Variants in KLHL41 observed in about 807,000 individuals in gnomAD.
KLHL41 encodes the protein kelch like family member 41.
In KLHL41, 31 loss-of-function variants were observed where a neutral mutation model predicts 49.2. That is an observed-to-expected ratio of 0.63 (90% CI 0.47 to 0.85). The LOEUF (loss-of-function observed/expected upper bound fraction) is 0.85. KLHL41 is among the 40% of genes least tolerant of loss of function. The pLI is 0.00. For missense variants in KLHL41, 663 were observed against 726.7 expected, an observed-to-expected ratio of 0.91 and a Z score of 1.01; for synonymous variants, 218 against 258.5, an observed-to-expected ratio of 0.84 and a Z score of 1.50.
At chr2:169,522,689 T>C (rs1684220105) in intron 5 of KLHL41, among the ~76,000 whole-genome samples, 1 of 145,642 alleles carries the variant, frequency 6.9e-6, no homozygotes. Flanking sequence ...CCCTAGTTCC[T>C]AAAACCTTCC....
Position 169,510,781 on chromosome 2 carries a change from A to T in KLHL41, c.1003A>T (p.Arg335Ter). Residue 335 changes from arginine (R) to a stop codon, truncating the protein, a stop_gained, in exon 1 of 6, where the codon AGA (arginine) becomes TGA (stop). Coordinates refer to ENST00000284669, the MANE Select transcript of KLHL41 (RefSeq NM_006063.3). LOFTEE classifies it high-confidence loss of function. This position sits in a 1 kb window ranked among gnomAD's most constrained non-coding sequence, Gnocchi z 4.2. ...YLTALAEQIP[R>*]NHSSIVTQQN... is the part of the protein sequence containing the mutation. Reference sequence around the variant, plus strand: ...TACTGCACTGGCTGAGCAGATTCCCAGAAATCATTCCAGCATTGTTACCCA... The same window carrying T: ...TACTGCACTGGCTGAGCAGATTCCCTGAAATCATTCCAGCATTGTTACCCA... 6.2e-7 allele frequency: 1 copy of T among 1,614,210 alleles called. No individual in the cohort carries two copies. Among genetic ancestry groups the T allele is most frequent in the South Asian group, 1.1e-5 (1 of 91,086 alleles).
At chr2:169,514,497 T>C (rs1684079501) in intron 1 of KLHL41, 77 bp from the exon 2 acceptor site, 3 of 1,233,778 alleles carry the variant, frequency 2.4e-6, no homozygotes, top group African/African-American at 1.5e-5. Flanking sequence ...AAACAACATA[T>C]AAAGTATAAC....
rs1386282535 is a variant in KLHL41, at chr2:169,525,129, T to A, written c.1710-456T>A. Among the ~76,000 whole-genome samples the A allele has an allele frequency of 6.6e-5, 10 of 152,296 alleles. No homozygotes were observed. In the East Asian group the frequency reaches 1.7e-3, roughly 26 times the overall value. ...GGAAGGGGAACAAATTTTCATAAAG[T>A]GACAGCTGTGTATCAGGTGCCATGC... On this transcript the variant is annotated intron_variant, in intron 5 of 5. Coordinates refer to ENST00000284669, the MANE Select transcript of KLHL41 (RefSeq NM_006063.3).
intron 5 of KLHL41, among the ~76,000 whole-genome samples, chr2:169,522,391 G>A (rs962370393): frequency 6.6e-6 from 1 of 152,030 alleles, no homozygotes; most frequent in African/African-American, 2.4e-5. Flanking sequence ...CCAAAAAAGA[G>A]GGAGAAAGAG....
rs1164852706 is a variant in KLHL41 at position 169,514,452 on chromosome 2, T to C, written c.1111-122T>C. 4 of 678,456 alleles carry C rather than the reference T, an allele frequency of 5.9e-6. No homozygotes were observed. In the African/African-American group the frequency reaches 7.3e-5, roughly 12 times the overall value. The allele number at this position is 678,456 out of a possible 1,614,324, so 42.0% of individuals were successfully genotyped here. A position where few individuals can be genotyped will look rare whatever the true frequency, so the allele number is the denominator to read the frequency against. On this transcript the variant is annotated intron_variant, in intron 1 of 5. Coordinates refer to ENST00000284669, the MANE Select transcript of KLHL41 (RefSeq NM_006063.3). ...GATACTTTGGGGTTGTAGTTTTATT[T>C]ACTTGTGAGATATTTGACTATCTCG... is the stretch of plus-strand genomic sequence containing the variant.
At chr2:169,520,283 T>A (rs1264960149) in intron 4 of KLHL41, among the ~76,000 whole-genome samples, 1 of 103,622 alleles carries the variant, frequency 9.7e-6, no homozygotes, top group East Asian at 3.8e-4. Flanking sequence ...TCAGTGTGTG[T>A]GTGTGTGTGT....
intron 1 of KLHL41, among the ~76,000 whole-genome samples, chr2:169,513,376 G>A (rs1559130174): frequency 6.6e-6 from 1 of 152,120 alleles, no homozygotes; most frequent in Admixed American, 6.6e-5. Context: ...TATGACAACA[G>A]TCAAAACCCC....
chr2:169,516,445 A>G (rs1684115013), intron 3 of KLHL41, among the ~76,000 whole-genome samples: 4 of 152,176 alleles, frequency 2.6e-5, no homozygotes, highest in Non-Finnish European at 5.9e-5. Flanking sequence ...AAGGTATATT[A>G]TATGCTTACC....
At chr2:169,523,425 G>A (rs976515948) in intron 5 of KLHL41, among the ~76,000 whole-genome samples, 4 of 152,186 alleles carry the variant, frequency 2.6e-5, no homozygotes, top group African/African-American at 9.7e-5. Context: ...GTTTCTATAT[G>A]TGTAGACAAG....
In KLHL41 at chr2:169,510,769, G is replaced by A. The variant is rs1163743538; in HGVS notation, c.991G>A (p.Glu331Lys). Residue 331 changes from glutamate to lysine, a missense_variant, in exon 1 of 6, where the codon GAG becomes AAG. Around this residue, in one of 3 missense-constraint regions of KLHL41, gnomAD observed 528 missense variants for 581.0 expected, o/e 0.91. Coordinates refer to ENST00000284669, the MANE Select transcript of KLHL41 (RefSeq NM_006063.3). This position sits in a 1 kb window ranked among gnomAD's most constrained non-coding sequence, Gnocchi z 4.2. ...ENECYLTALA[E>K]QIPRNHSSIV... The stretch of plus-strand genomic sequence containing the variant: ...TGAATGCTACCTTACTGCACTGGCT[G>A]AGCAGATTCCCAGAAATCATTCCAG... 1.2e-6 allele frequency: 2 copies of A among 1,614,170 alleles called. No homozygotes were observed. Among genetic ancestry groups the A allele is most frequent in the South Asian group, 1.1e-5 (1 of 91,072 alleles).
At position 169,510,716 on chromosome 2, in the gene KLHL41, C is replaced by A. The variant is rs750277173; in HGVS notation, c.938C>A (p.Ala313Glu). ...KDLILLVNDT[A>E]AVAYDPTENE... is the part of the protein sequence containing the mutation. ...CTCATCCTCTTGGTTAATGACACAG[C>A]AGCAGTGGCTTATGACCCCACGGAA... is the stretch of plus-strand genomic sequence containing the variant. The change falls in exon 1 of 6, where the codon GCA becomes GAA. Residue 313 changes from alanine (A) to glutamate (E), a missense_variant. Ala to Glu is a moderately radical substitution (Grantham distance 107, BLOSUM62 -1). This residue lies in a region of KLHL41 where 528 missense variants were observed against 581.0 expected (regional missense o/e 0.91). Transcript: ENST00000284669. The surrounding 1 kb of genome is among the most constrained non-coding windows in gnomAD (Gnocchi z 4.2). 1 of 1,614,172 alleles carries A rather than the reference C, an allele frequency of 6.2e-7. No homozygotes were observed. Among genetic ancestry groups the A allele is most frequent in the South Asian group, 1.1e-5 (1 of 91,078 alleles).
intron 1 of KLHL41, among the ~76,000 whole-genome samples, chr2:169,512,283 T>C (rs1205402365): frequency 6.6e-6 from 1 of 152,056 alleles, no homozygotes; most frequent in Non-Finnish European, 1.5e-5. Context: ...TAAAGTCAAA[T>C]AAACGTCAAA....
At chr2:169,524,679 T>G (rs1684269717) in intron 5 of KLHL41, among the ~76,000 whole-genome samples, 1 of 152,028 alleles carries the variant, frequency 6.6e-6, no homozygotes, top group Non-Finnish European at 1.5e-5. Flanking sequence ...ATCACAGGTG[T>G]AAGCCACCAC....
chr2:169,518,190 A>C lies in KLHL41; in HGVS notation c.1377A>C (p.Lys459Asn). The change falls in exon 4 of 6, where the codon AAA becomes AAC. Residue 459 changes from lysine (K) to asparagine (N), a missense_variant and splice_region_variant. Lys to Asn is a moderately conservative substitution (Grantham distance 94). Transcript: ENST00000284669. ...GGAACATTTGTTTTTCTGTTTACAG[A>C]AAATGTACAAACAGGGTGTTTATCT... ...IYCLGGKTDD[K>N]KCTNRVFIFN... 1.2e-6 allele frequency: 2 copies of C among 1,606,472 alleles called. No individual in the cohort carries two copies. The highest frequency in any genetic ancestry group is 1.1e-5 in the South Asian group (1 of 89,750).
At position 169,510,463 on chromosome 2, in the gene KLHL41, G is replaced by GA. The variant is rs1158239220; in HGVS notation, c.690dup (p.Tyr231IlefsTer3). 6.2e-7 allele frequency: 1 copy of GA among 1,613,966 alleles called. No individual in the cohort carries two copies. The highest frequency in any genetic ancestry group is 8.5e-7 in the Non-Finnish European group (1 of 1,179,964). On this transcript the variant is annotated frameshift_variant, in exon 1 of 6. Coordinates refer to ENST00000284669, the MANE Select transcript of KLHL41 (RefSeq NM_006063.3). LOFTEE classifies it high-confidence loss of function. The surrounding 1 kb of genome is among the most constrained non-coding windows in gnomAD (Gnocchi z 4.2). ...TTGTATCCGTTTTCGCCTTATGACA[G>GA]AAAAATATTTTAAGGATCATGTTGA...
chr2:169,521,627 A>T (rs991011600), intron 5 of KLHL41, among the ~76,000 whole-genome samples: 14 of 152,158 alleles, frequency 9.2e-5, no homozygotes, highest in Non-Finnish European at 1.9e-4. Flanking sequence ...TCCTGACCTC[A>T]GGTGATCCAC....
rs2105314725 is a variant in KLHL41, at chr2:169,525,711, C to T, written c.*15C>T. 6.8e-7 allele frequency: 1 copy of T among 1,466,216 alleles called. No homozygotes were observed. The highest frequency in any genetic ancestry group is 2.3e-5 in the East Asian group (1 of 44,088). The allele number at this position is 1,466,216 out of a possible 1,614,324, so 90.8% of individuals were successfully genotyped here. A position where few individuals can be genotyped will look rare whatever the true frequency, so the allele number is the denominator to read the frequency against. ...CTAAACTGTGAACAAGGTGACAAAA[C>T]ATAATAGATTGGGAGGTGGTTTGTT... On this transcript the variant is annotated 3_prime_UTR_variant, in exon 6 of 6. Transcript: ENST00000284669.
rs747439201 is a variant in KLHL41 at position 169,520,960 on chromosome 2, A to G, written c.1662A>G (p.Gln554=). 4.3e-6 allele frequency: 7 copies of G among 1,613,930 alleles called. No individual in the cohort carries two copies. Among genetic ancestry groups the G allele is most frequent in the African/African-American group, 4.0e-5 (3 of 74,920 alleles). Residue 554 remains glutamine, a synonymous_variant, in exon 5 of 6, where the codon CAA becomes CAG. Coordinates refer to ENST00000284669, the MANE Select transcript of KLHL41 (RefSeq NM_006063.3). ...LYAIGGFAMI[Q]LESKEFAPTE... ...CAATTGGTGGTTTTGCTATGATTCA[A>G]CTGGAGTCTAAAGAATTTGCACCCA... is the stretch of plus-strand genomic sequence containing the variant.
rs751887169 is a variant in KLHL41, at chr2:169,525,966, G to C, written c.*270G>C. The C allele has an allele frequency of 1.0e-4, 26 of 251,982 alleles. No individual in the cohort carries two copies. Among genetic ancestry groups the C allele is most frequent in the Non-Finnish European group, 1.7e-4 (23 of 133,522 alleles). The allele number at this position is 251,982 out of a possible 1,614,324, so 15.6% of individuals were successfully genotyped here. ...GTTTCACTCAATGGATTGTAAAGAA[G>C]GCTCCTAAATTTGAGTTGTTTGCTA... On this transcript the variant is annotated 3_prime_UTR_variant, in exon 6 of 6. Coordinates refer to ENST00000284669, the MANE Select transcript of KLHL41 (RefSeq NM_006063.3).
Sources: allele counts gnomAD v4.1 joint callset (sites outside exome capture counted in the v4.1 genomes callset), GRCh38; gene constraint gnomAD v4.1.1; regional missense constraint gnomAD v4.1.1; non-coding constraint Gnocchi (gnomAD v3.1); transcripts MANE v1.5; gene names NCBI Gene and HGNC (gene_info 2026-07-23, HGNC 2026-07-21).